KCTD16: variants seen among roughly 807,000 people sequenced by gnomAD.
The protein encoded by KCTD16 is potassium channel tetramerization domain containing 16.
KCTD16 carries 13 observed loss-of-function variants against 33.2 expected under a neutral mutation model. That is an observed-to-expected ratio of 0.39 (90% CI 0.25 to 0.62). The LOEUF is 0.62. KCTD16 is among the 20% of genes least tolerant of loss of function. KCTD16 has a pLI of 0.50. For synonymous variants in KCTD16, 197 were observed against 195.3 expected (o/e 1.01, Z -0.07); for missense variants, 441 against 525.1 (o/e 0.84, Z 1.57).
chr5:144,301,527 T>C (rs1254492587), intron 3 of KCTD16, among the ~76,000 whole-genome samples: 1 of 152,216 alleles, frequency 6.6e-6, no homozygotes. Context: ...GCTTATATCT[T>C]TCTTTGTTTC....
At chr5:144,307,434 C>G (rs957629211) in intron 3 of KCTD16, among the ~76,000 whole-genome samples, 1 of 152,254 alleles carries the variant, frequency 6.6e-6, no homozygotes, top group African/African-American at 2.4e-5. Flanking sequence ...CCCTCAGCAC[C>G]CATCTAGTGC....
At chr5:144,237,165 G>T (rs1485876033) in intron 3 of KCTD16, among the ~76,000 whole-genome samples, 1 of 152,014 alleles carries the variant, frequency 6.6e-6, no homozygotes, top group East Asian at 1.9e-4. Flanking sequence ...AATTCTGGTT[G>T]CTTGTGGCTT....
intron 3 of KCTD16, among the ~76,000 whole-genome samples, chr5:144,414,834 GC>G (rs2126956551): frequency 6.6e-6 from 1 of 152,220 alleles, no homozygotes; most frequent in East Asian, 1.9e-4. Flanking sequence ...ACCAATGAGA[GC>G]CTTGTATTCG....
At chr5:144,381,037 A>T (rs1170823093) in intron 3 of KCTD16, among the ~76,000 whole-genome samples, 3 of 152,338 alleles carry the variant, frequency 2.0e-5, no homozygotes, top group South Asian at 4.1e-4. Context: ...ATGGGATAAG[A>T]CATTTGCAAA....
At chr5:144,453,219 C>T (rs17442675) in intron 3 of KCTD16, among the ~76,000 whole-genome samples, 1 of 152,024 alleles carries the variant, frequency 6.6e-6, no homozygotes, top group Non-Finnish European at 1.5e-5. Flanking sequence ...CAGGTGATGC[C>T]CAGGTTCCCT....
chr5:144,218,047 G>T (rs1753619148), intron 3 of KCTD16, among the ~76,000 whole-genome samples: 1 of 152,162 alleles, frequency 6.6e-6, no homozygotes, highest in Non-Finnish European at 1.5e-5. Flanking sequence ...TGCCTGTTAG[G>T]TTCCTCAACA....
At chr5:144,393,973 T>G (rs563005557) in intron 3 of KCTD16, among the ~76,000 whole-genome samples, 1 of 150,226 alleles carries the variant, frequency 6.7e-6, no homozygotes, top group Non-Finnish European at 1.5e-5. Flanking sequence ...CTTTTTTTTT[T>G]TTTTTTTGTT....
At chr5:144,205,770 T>G (rs886398822) in intron 2 of KCTD16, 1 of 390,132 alleles carries the variant, frequency 2.6e-6, no homozygotes, top group Non-Finnish European at 4.5e-6. Flanking sequence ...AGGGCTTAAC[T>G]TTTTTTGCGA....
At chr5:144,458,310 G>T (rs1170101611) in intron 3 of KCTD16, among the ~76,000 whole-genome samples, 1 of 152,096 alleles carries the variant, frequency 6.6e-6, no homozygotes, top group Non-Finnish European at 1.5e-5. Flanking sequence ...TTTATAGTGA[G>T]ATCCATCTGA....
In KCTD16 at chr5:144,206,539, C is replaced by T. The variant is rs1753176370; in HGVS notation, c.-176C>T. On this transcript the variant is annotated 5_prime_UTR_variant, in exon 3 of 4. Coordinates refer to ENST00000512467, the MANE Select transcript of KCTD16 (RefSeq NM_020768.4). Reference sequence around the variant, plus strand: ...AACTACTTTTTCAGCATCACTTCACCTGTGGACTCTTATACATTTTGATTT... The same window carrying T: ...AACTACTTTTTCAGCATCACTTCACTTGTGGACTCTTATACATTTTGATTT... 1 of 596,050 alleles carries T rather than the reference C, an allele frequency of 1.7e-6. No homozygotes were observed. The highest frequency in any genetic ancestry group is 2.9e-6 in the Non-Finnish European group (1 of 339,468). 36.9% of individuals were successfully genotyped at this position (596,050 alleles called of 1,614,324 possible).
chr5:144,180,604 G>C (rs527742481), intron 2 of KCTD16, among the ~76,000 whole-genome samples: 1 of 152,312 alleles, frequency 6.6e-6, no homozygotes, highest in Admixed American at 6.5e-5. Flanking sequence ...CACAACTTCA[G>C]CTGGGGAGCT....
At chr5:144,373,895 G>A (rs1752027589) in intron 3 of KCTD16, among the ~76,000 whole-genome samples, 1 of 152,170 alleles carries the variant, frequency 6.6e-6, no homozygotes. Flanking sequence ...TGAGCCACAG[G>A]CGTCATGGCT....
rs549257739 is a variant in KCTD16 at position 144,186,353 on chromosome 5, A to T, written c.-327+11881A>T. ...GTTTGTGCTAGATCTCATTTTTTTT[A>T]AAAAAAAAAAGAAAAAAAAAAAAAC... On this transcript the variant is annotated intron_variant, in intron 2 of 3. Coordinates refer to ENST00000512467, the MANE Select transcript of KCTD16 (RefSeq NM_020768.4). 0.023 allele frequency among the ~76,000 whole-genome samples: 514 copies of T among 22,446 alleles called. 18 individuals are homozygous for T. The East Asian group carries it at 0.29, about 13-fold the overall frequency. The allele number at this position is 22,446 out of a possible 152,430, so 14.7% of individuals were successfully genotyped here.
chr5:144,324,141 C>G (rs1050529709), intron 3 of KCTD16, among the ~76,000 whole-genome samples: 1 of 152,132 alleles, frequency 6.6e-6, no homozygotes, highest in African/African-American at 2.4e-5. Context: ...AGGAAACACA[C>G]TATCTTCTCT....
At chr5:144,419,965 T>C (rs1561601941) in intron 3 of KCTD16, among the ~76,000 whole-genome samples, 1 of 152,180 alleles carries the variant, frequency 6.6e-6, no homozygotes, top group Non-Finnish European at 1.5e-5. Context: ...GAAGAACTCC[T>C]GAAGCAGAAG....
At chr5:144,237,765 T>A (rs540466862) in intron 3 of KCTD16, among the ~76,000 whole-genome samples, 1 of 152,170 alleles carries the variant, frequency 6.6e-6, no homozygotes, top group Admixed American at 6.6e-5. Flanking sequence ...ACCCTCCACC[T>A]CCATGTAAGT....
At chr5:144,377,567 T>G (rs1298759141) in intron 3 of KCTD16, among the ~76,000 whole-genome samples, 1 of 152,186 alleles carries the variant, frequency 6.6e-6, no homozygotes, top group Non-Finnish European at 1.5e-5. Flanking sequence ...TAACCCTCTC[T>G]TCTCCAAACT....
At chr5:144,344,056 C>A (rs1329066085) in intron 3 of KCTD16, among the ~76,000 whole-genome samples, 3 of 151,870 alleles carry the variant, frequency 2.0e-5, no homozygotes, top group Non-Finnish European at 4.4e-5. Context: ...ATAACACTGC[C>A]TATCTACAAC....
intron 3 of KCTD16, among the ~76,000 whole-genome samples, chr5:144,219,543 C>T (rs1272356945): frequency 7.7e-5 from 5 of 65,004 alleles, no homozygotes; most frequent in East Asian, 4.4e-4. Context: ...TTTTTTGAGA[C>T]GGAGTCTCGC....
Sources: gnomAD v4.1 joint callset for allele counts (sites outside exome capture counted in the v4.1 genomes callset) on GRCh38, gnomAD v4.1.1 for gene constraint, MANE v1.5 for transcripts, NCBI Gene and HGNC (gene_info 2026-07-23, HGNC 2026-07-21) for gene names.